Variants in ADAM9 observed in about 807,000 individuals in gnomAD.
The protein encoded by ADAM9 is disintegrin and metalloproteinase domain-containing protein 9.
ADAM9 carries 54 observed loss-of-function variants against 108.1 expected under a neutral mutation model. The observed-to-expected ratio is 0.50, with a 90% CI of 0.40 to 0.63. ADAM9 has a LOEUF of 0.63. Ranked by LOEUF, ADAM9 falls within the 20% of genes least tolerant of loss-of-function variation. ADAM9 has a pLI of 0.00. For synonymous variants in ADAM9, 316 were observed against 336.0 expected (o/e 0.94, Z 0.65); for missense variants, 830 against 997.7 (o/e 0.83, Z 2.26).
chr8:39,098,850 A>G (rs946790006), intron 20 of ADAM9, among the ~76,000 whole-genome samples: 8 of 152,118 alleles, frequency 5.3e-5, no homozygotes, highest in African/African-American at 1.9e-4. Context: ...GGAAATAAAT[A>G]TATTTGAATC....
At chr8:39,059,520 A>T (rs1363534283) in intron 14 of ADAM9, among the ~76,000 whole-genome samples, 1 of 152,188 alleles carries the variant, frequency 6.6e-6, no homozygotes, top group Admixed American at 6.5e-5. Context: ...GAGCCCATGG[A>T]TGAGAATAGT....
chr8:39,023,872 G>A (rs1003187015), intron 9 of ADAM9, among the ~76,000 whole-genome samples: 27 of 144,988 alleles, frequency 1.9e-4, no homozygotes, highest in African/African-American at 5.9e-4. Flanking sequence ...TCAGCCTCCC[G>A]ACTAGCTGGG....
chr8:39,089,854 A>G, intron 18 of ADAM9, 193 bp from the exon 19 acceptor site: 2 of 609,098 alleles, frequency 3.3e-6, no homozygotes, highest in South Asian at 1.9e-5. Flanking sequence ...GAAACTAATA[A>G]AAGTGGTTAT....
intron 8 of ADAM9, among the ~76,000 whole-genome samples, chr8:39,022,199 T>A (rs1588344516): frequency 1.3e-5 from 2 of 152,186 alleles, no homozygotes; most frequent in Admixed American, 6.5e-5. Context: ...TCTTATAATT[T>A]TATCTACAAA....
At chr8:39,044,338 T>C (rs1386034556) in intron 12 of ADAM9, among the ~76,000 whole-genome samples, 1 of 152,182 alleles carries the variant, frequency 6.6e-6, no homozygotes, top group Admixed American at 6.5e-5. Context: ...GGGAAGGGAC[T>C]ACCTTTTCAC....
At chr8:39,055,332 G>A (rs1838085751) in intron 13 of ADAM9, among the ~76,000 whole-genome samples, 1 of 152,040 alleles carries the variant, frequency 6.6e-6, no homozygotes, top group Non-Finnish European at 1.5e-5. Flanking sequence ...AGGTGTAAAG[G>A]GTTCTTGTAT....
chr8:39,005,454 A>T (rs1443498671), intron 1 of ADAM9, among the ~76,000 whole-genome samples: 1 of 152,274 alleles, frequency 6.6e-6, no homozygotes, highest in African/African-American at 2.4e-5. Context: ...AATTATTCCA[A>T]GTAAACTAAA....
In ADAM9 at chr8:39,068,912, G is replaced by A. The variant is rs1838585944; in HGVS notation, c.1592-2386G>A. Among the ~76,000 whole-genome samples the A allele has an allele frequency of 5.9e-5, 9 of 152,110 alleles. 1 individual carries two copies. The South Asian group carries it at 1.9e-3, about 32-fold the overall frequency. On this transcript the variant is annotated intron_variant, in intron 14 of 21. Coordinates refer to ENST00000487273, the MANE Select transcript of ADAM9 (RefSeq NM_003816.3). ...CCAGAAAATAAACCTCCAGTGTTTT[G>A]CCAGGGTAGAGAAGAGACAGTCACT...
chr8:39,022,921 C>G (rs919202386), intron 8 of ADAM9, among the ~76,000 whole-genome samples: 6 of 152,186 alleles, frequency 3.9e-5, no homozygotes, highest in Admixed American at 2.0e-4. Flanking sequence ...CCATATTGGC[C>G]AGGTTGGTCT....
intron 12 of ADAM9, among the ~76,000 whole-genome samples, chr8:39,045,161 TAC>T (rs1837637942): frequency 8.2e-6 from 1 of 122,698 alleles, no homozygotes; most frequent in Non-Finnish European, 1.9e-5. Context: ...TGTGTATACA[TAC>T]ATATATGTGT....
chr8:39,003,116 GA>G (rs1836055506), intron 1 of ADAM9, among the ~76,000 whole-genome samples: 1 of 152,178 alleles, frequency 6.6e-6, no homozygotes, highest in African/African-American at 2.4e-5. Flanking sequence ...TAAAATAAAT[GA>G]TTAATTGTGG....
Position 39,059,485 on chromosome 8 carries a change from C to T in ADAM9, c.1591+3713C>T, listed in dbSNP as rs186146176. Among the ~76,000 whole-genome samples, 19 of 152,342 alleles carry T rather than the reference C, an allele frequency of 1.2e-4. No individual in the cohort carries two copies. The East Asian group carries it at 3.5e-3, about 28-fold the overall frequency. Reference sequence around the variant, plus strand: ...CTGAGCCCACGCATCGCCTCCAACCCTGCCACTGTGAGTACGTGGTTCCTG... The same window carrying T: ...CTGAGCCCACGCATCGCCTCCAACCTTGCCACTGTGAGTACGTGGTTCCTG... On this transcript the variant is annotated intron_variant, in intron 14 of 21. Coordinates refer to ENST00000487273, the MANE Select transcript of ADAM9 (RefSeq NM_003816.3).
intron 2 of ADAM9, 46 bp from the exon 3 acceptor site, chr8:39,011,612 A>G (rs746885401): frequency 1.3e-6 from 2 of 1,545,076 alleles, no homozygotes; most frequent in South Asian, 2.2e-5. Flanking sequence ...GTTGAAAAGT[A>G]ATTTTTAAGA....
chr8:39,014,323 T>C, intron 4 of ADAM9: 3 of 547,482 alleles, frequency 5.5e-6, no homozygotes, highest in Non-Finnish European at 9.6e-6. Flanking sequence ...AAATTTGATA[T>C]GTTTTGAAAA....
At chr8:39,031,218 A>C (rs1290740959) in intron 11 of ADAM9, among the ~76,000 whole-genome samples, 1 of 152,222 alleles carries the variant, frequency 6.6e-6, no homozygotes, top group East Asian at 1.9e-4. Context: ...TTTGATCCAC[A>C]TGGAGTTAAT....
intron 14 of ADAM9, among the ~76,000 whole-genome samples, chr8:39,057,111 A>G (rs1419702918): frequency 7.2e-5 from 11 of 152,130 alleles, no homozygotes; most frequent in African/African-American, 2.2e-4. Context: ...GTACAGTGAC[A>G]TGGTGTACAG....
At chr8:39,103,162 T>G (rs1196810684) in intron 21 of ADAM9, among the ~76,000 whole-genome samples, 1 of 152,158 alleles carries the variant, frequency 6.6e-6, no homozygotes. Flanking sequence ...TGGACAGGTA[T>G]AGAAGTCATA....
chr8:39,099,693 A>T (rs1839622026), intron 20 of ADAM9, among the ~76,000 whole-genome samples: 1 of 152,204 alleles, frequency 6.6e-6, no homozygotes, highest in South Asian at 2.1e-4. Flanking sequence ...TTTAATTGGC[A>T]AATCATAGTT....
intron 20 of ADAM9, among the ~76,000 whole-genome samples, chr8:39,092,331 TACAC>T (rs71552833): frequency 1.3e-4 from 19 of 148,782 alleles, no homozygotes; most frequent in South Asian, 4.3e-4. Flanking sequence ...AATATATTTA[TACAC>T]ACACACACAC....
Sources: gnomAD v4.1 joint callset for allele counts (sites outside exome capture counted in the v4.1 genomes callset) on GRCh38, gnomAD v4.1.1 for gene constraint, MANE v1.5 for transcripts, NCBI Gene and HGNC (gene_info 2026-07-23, HGNC 2026-07-21) for gene names.